AP3S1: variants seen among roughly 807,000 people sequenced by gnomAD.
AP3S1 encodes AP-3 complex subunit sigma-1.
In AP3S1, 12 loss-of-function variants were observed where a neutral mutation model predicts 21.3. The observed-to-expected ratio is 0.56, with a 90% CI of 0.36 to 0.91. AP3S1 has a LOEUF of 0.91. Among genes scored for constraint, AP3S1 ranks in the 40% least tolerant of loss-of-function variants. AP3S1 has a pLI of 0.01. For synonymous variants in AP3S1, 48 were observed against 78.4 expected, an observed-to-expected ratio of 0.61 and a Z score of 2.05; for missense variants, 116 against 225.0, an observed-to-expected ratio of 0.52 and a Z score of 3.10.
chr5:115,890,375 CAATG>C (rs1196707974), intron 3 of AP3S1, among the ~76,000 whole-genome samples: 1 of 152,068 alleles, frequency 6.6e-6, no homozygotes, highest in East Asian at 1.9e-4. Context: ...CAAAAAATAA[CAATG>C]AATAAAAGAA....
chr5:115,868,870 A>C (rs1369734605), intron 2 of AP3S1, among the ~76,000 whole-genome samples: 1 of 149,042 alleles, frequency 6.7e-6, no homozygotes, highest in Non-Finnish European at 1.5e-5. Context: ...TGACAGAGTG[A>C]AACTCTGTCT....
intron 3 of AP3S1, among the ~76,000 whole-genome samples, chr5:115,889,737 T>G (rs1750119341): frequency 6.6e-6 from 1 of 151,866 alleles, no homozygotes; most frequent in Non-Finnish European, 1.5e-5. Context: ...GCTACTCAGG[T>G]GTCTGAGGTG....
intron 1 of AP3S1, among the ~76,000 whole-genome samples, chr5:115,860,797 G>C (rs1224704020): frequency 2.6e-5 from 4 of 152,072 alleles, no homozygotes; most frequent in African/African-American, 4.8e-5. Context: ...GTCTTAGCTG[G>C]GGTTTGGGCA....
chr5:115,906,476 A>G (rs1374387826), intron 5 of AP3S1, among the ~76,000 whole-genome samples: 1 of 152,208 alleles, frequency 6.6e-6, no homozygotes, highest in Non-Finnish European at 1.5e-5. Context: ...CCTGAAAGAG[A>G]GAAGCAAAGA....
intron 5 of AP3S1, chr5:115,912,208 A>G (rs1752162766): frequency 1.3e-5 from 2 of 152,000 alleles, no homozygotes; most frequent in African/African-American, 4.8e-5. Flanking sequence ...AACTAAAATT[A>G]TGAAAAGGGA....
intron 5 of AP3S1, among the ~76,000 whole-genome samples, chr5:115,905,648 G>T (rs1199791528): frequency 6.6e-6 from 1 of 152,138 alleles, no homozygotes; most frequent in Non-Finnish European, 1.5e-5. Context: ...CGTAGCTTTT[G>T]TATATTTTAA....
chr5:115,877,694 G>A (rs1300924530), intron 3 of AP3S1, among the ~76,000 whole-genome samples: 4 of 152,080 alleles, frequency 2.6e-5, no homozygotes, highest in African/African-American at 4.8e-5. Context: ...AGAATGATTC[G>A]TAATCCTTTG....
chr5:115,851,622 A>G (rs1305414957), intron 1 of AP3S1, among the ~76,000 whole-genome samples: 1 of 152,080 alleles, frequency 6.6e-6, no homozygotes, highest in Non-Finnish European at 1.5e-5. Flanking sequence ...GTCTTTGGAA[A>G]AATATCTATT....
intron 5 of AP3S1, chr5:115,903,721 T>A (rs1751407201): frequency 6.6e-6 from 1 of 152,210 alleles, no homozygotes. Flanking sequence ...TTCAGAATTG[T>A]AGTGACTCTT....
chr5:115,881,385 G>T (rs1241307855), intron 3 of AP3S1, among the ~76,000 whole-genome samples: 1 of 152,096 alleles, frequency 6.6e-6, no homozygotes, highest in Non-Finnish European at 1.5e-5. Context: ...CTCTTGTAAG[G>T]CAGGCCTGGT....
At chr5:115,879,689 G>C (rs1436714146) in intron 3 of AP3S1, among the ~76,000 whole-genome samples, 2 of 152,082 alleles carry the variant, frequency 1.3e-5, no homozygotes, top group East Asian at 1.9e-4. Flanking sequence ...CTCAGGCTCT[G>C]GTATCATATC....
At chr5:115,879,691 T>C (rs1257053907) in intron 3 of AP3S1, among the ~76,000 whole-genome samples, 2 of 152,178 alleles carry the variant, frequency 1.3e-5, no homozygotes, top group Non-Finnish European at 2.9e-5. Context: ...CAGGCTCTGG[T>C]ATCATATCAG....
At chr5:115,902,822 G>A in intron 4 of AP3S1, 63 bp from the exon 5 acceptor site, 1 of 1,209,340 alleles carries the variant, frequency 8.3e-7, no homozygotes, top group Non-Finnish European at 1.2e-6. Flanking sequence ...AACAAAAAGT[G>A]AATCATGAAA....
chr5:115,869,254 A>G (rs1049996698), intron 2 of AP3S1, among the ~76,000 whole-genome samples: 4 of 152,182 alleles, frequency 2.6e-5, no homozygotes, highest in African/African-American at 9.7e-5. Context: ...GTTTTCTTGC[A>G]TTTATGTCAA....
chr5:115,882,577 G>A (rs1021876630), intron 3 of AP3S1, among the ~76,000 whole-genome samples: 4 of 152,168 alleles, frequency 2.6e-5, no homozygotes, highest in South Asian at 2.1e-4. Context: ...TGGAAGGTTC[G>A]TCCCAGAGGG....
chr5:115,851,918 A>G, intron 1 of AP3S1, among the ~76,000 whole-genome samples: 1 of 152,088 alleles, frequency 6.6e-6, no homozygotes, highest in East Asian at 1.9e-4. Flanking sequence ...ATAATAGTAC[A>G]TTGTATAGTA....
intron 1 of AP3S1, among the ~76,000 whole-genome samples, chr5:115,845,335 A>T (rs557261346): frequency 3.4e-4 from 52 of 152,260 alleles, no homozygotes; most frequent in African/African-American, 1.1e-3. Context: ...ACTGCACTTC[A>T]TTTTCATTCC....
chr5:115,894,520 G>T (rs1296739122), intron 3 of AP3S1, among the ~76,000 whole-genome samples: 2 of 152,176 alleles, frequency 1.3e-5, no homozygotes, highest in Non-Finnish European at 2.9e-5. Context: ...CCATTTATGG[G>T]AATGTGCAGA....
At chr5:115,873,246 T>C (rs1748425644) in intron 3 of AP3S1, among the ~76,000 whole-genome samples, 1 of 152,166 alleles carries the variant, frequency 6.6e-6, no homozygotes, top group Non-Finnish European at 1.5e-5. Context: ...AAACATGGTA[T>C]TAATATATCA....
Sources: allele counts gnomAD v4.1 joint callset (sites outside exome capture counted in the v4.1 genomes callset), GRCh38; gene constraint gnomAD v4.1.1; transcripts MANE v1.5; gene names NCBI Gene and HGNC (gene_info 2026-07-23, HGNC 2026-07-21).